Variants in DUXA observed in about 807,000 individuals in gnomAD.
The protein encoded by DUXA is double homeobox A.
A neutral mutation model predicts 27.5 loss-of-function variants in DUXA; 25 were observed. The observed-to-expected ratio is 0.91, with a 90% CI of 0.66 to 1.27. The LOEUF is 1.27. Ranked by LOEUF, DUXA falls within the 50% of genes most tolerant of loss-of-function variation. The probability of loss-of-function intolerance (pLI) is 0.00; values close to 1 mark genes in which losing one functional copy is unlikely to be tolerated. For synonymous variants in DUXA, 90 were observed against 80.5 expected (o/e 1.12, Z -0.63); for missense variants, 247 against 242.9 (o/e 1.02, Z -0.11).
At chr19:57,160,619 T>G (rs1173993626) in intron 2 of DUXA, 24 bp downstream of exon 2, 4 of 1,610,338 alleles carry the variant, frequency 2.5e-6, no homozygotes, top group Non-Finnish European at 3.4e-6. Flanking sequence ...CTTCCAGTCC[T>G]GGAGATATTG....
chr19:57,159,941 A>C (rs2087011836), intron 2 of DUXA, among the ~76,000 whole-genome samples: 1 of 152,094 alleles, frequency 6.6e-6, no homozygotes, highest in Non-Finnish European at 1.5e-5. Flanking sequence ...TCTTTACTAA[A>C]AATACAAAAC....
intron 1 of DUXA, among the ~76,000 whole-genome samples, chr19:57,165,309 GA>G (rs71186231): frequency 0.069 from 8,016 of 116,060 alleles, 297 homozygotes; most frequent in African/African-American, 0.083. Flanking sequence ...TCTGGAGTAG[GA>G]AAAAAAAAAA....
rs879751119 is a variant in DUXA at position 57,154,428 on chromosome 19, C to T, written c.599G>A (p.Gly200Glu). ...TNFTSDSHFS[G>E]ARTW ...TGACTGTGTTCACCACGTTCTGGCT[C>T]CAGAGAAATGAGAGTCACTAGTGAA... is the stretch of plus-strand genomic sequence containing the variant. Residue 200 changes from glycine to glutamate, a missense_variant, in exon 6 of 6, where the codon GGA becomes GAA. Gly to Glu is a moderately conservative substitution (Grantham distance 98). Coordinates refer to ENST00000554048, the MANE Select transcript of DUXA (RefSeq NM_001012729.2). The T allele has an allele frequency of 1.2e-5, 19 of 1,613,588 alleles. No homozygotes were observed. The highest frequency in any genetic ancestry group is 1.4e-5 in the Non-Finnish European group (17 of 1,179,736).
At chr19:57,165,971 G>A (rs576692749) in intron 1 of DUXA, among the ~76,000 whole-genome samples, 3 of 152,112 alleles carry the variant, frequency 2.0e-5, no homozygotes, top group Admixed American at 6.6e-5. Flanking sequence ...GGCAAGAGTA[G>A]AGAGTGCAGG....
At chr19:57,165,568 G>A (rs1369984018) in intron 1 of DUXA, among the ~76,000 whole-genome samples, 1 of 151,280 alleles carries the variant, frequency 6.6e-6, no homozygotes, top group East Asian at 1.9e-4. Flanking sequence ...CACTTTGGGA[G>A]GCCGAGGCGG....
At chr19:57,158,281 A>T (rs767116942) in intron 4 of DUXA, 47 bp downstream of exon 4, 34 of 1,602,736 alleles carry the variant, frequency 2.1e-5, no homozygotes, top group Non-Finnish European at 2.8e-5. Flanking sequence ...CCCTTCCTGT[A>T]TACCTAGATC....
At chr19:57,159,379 AGG>A in intron 2 of DUXA, 101 bp from the exon 3 acceptor site, 15 of 1,042,342 alleles carry the variant, frequency 1.4e-5, no homozygotes, top group Non-Finnish European at 2.0e-5. Context: ...GCCTAGGCCC[AGG>A]ATTATTACTT....
chr19:57,164,597 A>T (rs929514150), intron 1 of DUXA, among the ~76,000 whole-genome samples: 9 of 152,070 alleles, frequency 5.9e-5, no homozygotes, highest in South Asian at 2.1e-4. Flanking sequence ...ATTAAAAATA[A>T]TTTTTTTAAA....
chr19:57,164,025 GGGC>G, intron 1 of DUXA, among the ~76,000 whole-genome samples: 1 of 151,908 alleles, frequency 6.6e-6, no homozygotes, highest in Non-Finnish European at 1.5e-5. Context: ...AGACTATCCT[GGGC>G]AACATAGTGA....
chr19:57,159,292 A>G lies in DUXA; in HGVS notation c.181-14T>C. On this transcript the variant is annotated splice_polypyrimidine_tract_variant and intron_variant, in intron 2 of 5. Transcript: ENST00000554048. ...CTGAAACCAAATCTAAGTGAGGAAA[A>G]GAAAAGGAGAGAATTACGTGTTAAT... The G allele has an allele frequency of 6.2e-7, 1 of 1,607,702 alleles. No individual in the cohort carries two copies.
At chr19:57,164,085 A>G (rs2087038503) in intron 1 of DUXA, among the ~76,000 whole-genome samples, 1 of 152,168 alleles carries the variant, frequency 6.6e-6, no homozygotes, top group South Asian at 2.1e-4. Context: ...TCTGATACTC[A>G]AAAGCAGGCA....
rs956152182 is a variant in DUXA, at chr19:57,158,413, T to C, written c.353A>G (p.Lys118Arg). 3.1e-6 allele frequency: 5 copies of C among 1,613,796 alleles called. No individual in the cohort carries two copies. Among genetic ancestry groups the C allele is most frequent in the Non-Finnish European group, 3.4e-6 (4 of 1,180,016 alleles). ...YSASQLHTLI[K>R]AFMKNPYPGI... ...AGGATATGGGTTTTTCATAAATGCC[T>C]TGATGAGAGTGTGTAACTGAGAGGC... The change falls in exon 4 of 6, where the codon AAG becomes AGG. Residue 118 changes from lysine (K) to arginine (R), a missense_variant. Transcript: ENST00000554048.
chr19:57,156,864 C>G (rs60314390), intron 4 of DUXA, among the ~76,000 whole-genome samples: 25,403 of 152,140 alleles, frequency 0.17, 2,817 homozygotes, highest in African/African-American at 0.31. Flanking sequence ...CGGGGTTTCT[C>G]CATGTTGGTC....
At chr19:57,165,966 G>C (rs889971521) in intron 1 of DUXA, among the ~76,000 whole-genome samples, 2 of 152,134 alleles carry the variant, frequency 1.3e-5, no homozygotes, top group Non-Finnish European at 2.9e-5. Context: ...CAAGTGGCAA[G>C]AGTAGAGAGT....
At chr19:57,163,550 T>G (rs1599932592) in intron 1 of DUXA, among the ~76,000 whole-genome samples, 1 of 152,042 alleles carries the variant, frequency 6.6e-6, no homozygotes, top group Admixed American at 6.6e-5. Context: ...TTCAAGTGAT[T>G]CCCCTGCCTC....
chr19:57,155,674 T>TAGATAGATAGATAGATAGATAGATAGATA (rs887562063), intron 4 of DUXA, among the ~76,000 whole-genome samples: 3 of 151,678 alleles, frequency 2.0e-5, no homozygotes, highest in Admixed American at 1.3e-4. Context: ...GATAGATAGA[T>TAGATAGATAGATAGATAGATAGATAGATA]ACTTTTTTTT....
At chr19:57,155,486 T>A in intron 4 of DUXA, 114 bp from the exon 5 acceptor site, 2 of 773,716 alleles carry the variant, frequency 2.6e-6, no homozygotes, top group Non-Finnish European at 4.2e-6. Flanking sequence ...TCTCTCAGAG[T>A]AGCTAGTGCC....
rs1184189843 is a variant in DUXA, at chr19:57,155,272, A to C, written c.539T>G (p.Leu180Arg). The part of the protein sequence containing the change: ...QEEQGKIPEG[L>R]QGAEDTQNGT... ...GGAAACAACAGGCTAGTTACCTTGC[A>C]GTCCCTCAGGAATCTTGCCCTGCTC... The change falls in exon 5 of 6, where the codon CTG becomes CGG. Residue 180 changes from leucine to arginine, a missense_variant. Coordinates refer to ENST00000554048, the MANE Select transcript of DUXA (RefSeq NM_001012729.2). The C allele has an allele frequency of 1.9e-6, 3 of 1,614,032 alleles. No homozygotes were observed. The highest frequency in any genetic ancestry group is 2.5e-6 in the Non-Finnish European group (3 of 1,179,914).
intron 4 of DUXA, 27 bp downstream of exon 4, chr19:57,158,301 T>C (rs1425741407): frequency 4.3e-6 from 7 of 1,610,386 alleles, no homozygotes; most frequent in Non-Finnish European, 5.9e-6. Flanking sequence ...CCCTAGGAGA[T>C]GGGACAACCA....
Sources: allele counts gnomAD v4.1 joint callset (sites outside exome capture counted in the v4.1 genomes callset), GRCh38; gene constraint gnomAD v4.1.1; transcripts MANE v1.5; gene names NCBI Gene and HGNC (gene_info 2026-07-23, HGNC 2026-07-21).